ENOX2: variants seen among roughly 807,000 people sequenced by gnomAD.
ENOX2 encodes the protein ecto-NOX disulfide-thiol exchanger 2, also known as APK1 antigen.
Under a neutral mutation model 45.0 loss-of-function variants are expected in ENOX2, and 36 were observed. That is an observed-to-expected ratio of 0.80 (90% confidence interval 0.61 to 1.06). The LOEUF is 1.06. Among genes scored for constraint, ENOX2 ranks in the 50% least tolerant of loss-of-function variants. The probability of loss-of-function intolerance (pLI) is 0.00; values close to 1 mark genes in which losing one functional copy is unlikely to be tolerated. For missense variants in ENOX2, 423 were observed against 462.5 expected (o/e 0.91, Z 0.78); for synonymous variants, 174 against 152.3 (o/e 1.14, Z -1.05).
chrX:130,692,611 C>T (rs2037637940), intron 4 of ENOX2, among the ~76,000 whole-genome samples: 1 of 104,786 alleles, frequency 9.5e-6, no homozygotes, highest in South Asian at 4.7e-4. Flanking sequence ...GACGGAGTCC[C>T]GCTCTGTTGC....
chrX:130,858,635 T>C (rs1306179871), intron 2 of ENOX2, among the ~76,000 whole-genome samples: 1 of 111,482 alleles, frequency 9.0e-6, no homozygotes, highest in African/African-American at 3.3e-5. Flanking sequence ...GTAAATGCAG[T>C]AACCTAACAA....
At position 130,764,106 on chromosome X, in the gene ENOX2, C is replaced by A. The variant is rs1017443720; in HGVS notation, c.-39+19441G>T. On this transcript the variant is annotated intron_variant, in intron 3 of 14. Transcript: ENST00000394363. ...TGAGATATGAGGCAAAAACAAAATCCAAAAAACTTGAGGAATGTCACGCCT... is the reference window on the plus strand; with the variant it reads ...TGAGATATGAGGCAAAAACAAAATCAAAAAAACTTGAGGAATGTCACGCCT... Among the ~76,000 whole-genome samples, 6 of 110,591 alleles carry A rather than the reference C, an allele frequency of 5.4e-5. No individual in the cohort carries two copies. In the Admixed American group the frequency reaches 5.8e-4, roughly 11 times the overall value.
At chrX:130,626,633 C>T (rs1166409242) in intron 14 of ENOX2, among the ~76,000 whole-genome samples, 3 of 112,061 alleles carry the variant, frequency 2.7e-5, no homozygotes, top group Non-Finnish European at 3.8e-5. Flanking sequence ...ATTCCATCCT[C>T]CCCTTCACTG....
At chrX:130,735,590 TAATA>T (rs1173730452) in intron 3 of ENOX2, among the ~76,000 whole-genome samples, 2 of 111,849 alleles carry the variant, frequency 1.8e-5, no homozygotes, top group African/African-American at 6.5e-5. Context: ...TTTTCTGACA[TAATA>T]AAAGTAACTG....
intron 10 of ENOX2, chrX:130,645,837 G>C (rs943645508): frequency 1.4e-6 from 1 of 707,178 alleles, no homozygotes; most frequent in Middle Eastern, 4.1e-4. Flanking sequence ...CAGGCAGGAG[G>C]AGAGGGCAGT....
rs931953904 is a variant in ENOX2 at position 130,760,558 on chromosome X, C to G, written c.-39+22989G>C. Among the ~76,000 whole-genome samples, 19 of 109,183 alleles carry G rather than the reference C, an allele frequency of 1.7e-4. No homozygotes were observed. The Admixed American group carries it at 1.8e-3, about 10-fold the overall frequency. The allele number at this position is 109,183 out of a possible 115,157, so 94.8% of individuals were successfully genotyped here. ...CTCCCAGCACTTTAGGAGGCTGAGG[C>G]AGGTGGATCACGAGGTCAGGAGTTC... On this transcript the variant is annotated intron_variant, in intron 3 of 14. Coordinates refer to ENST00000394363, the MANE Select transcript of ENOX2 (RefSeq NM_006375.4).
intron 2 of ENOX2, among the ~76,000 whole-genome samples, chrX:130,785,221 A>T (rs1212659171): frequency 9.3e-6 from 1 of 107,045 alleles, no homozygotes; most frequent in Non-Finnish European, 1.9e-5. Context: ...GCTACTTGGG[A>T]GGCTGAGGCA....
intron 10 of ENOX2, among the ~76,000 whole-genome samples, chrX:130,648,751 G>C (rs991166054): frequency 9.1e-6 from 1 of 109,761 alleles, no homozygotes; most frequent in Non-Finnish European, 1.9e-5. Flanking sequence ...CACTCTATTA[G>C]TTGTTAAAAA....
chrX:130,805,261 T>A (rs1402334161), intron 2 of ENOX2, among the ~76,000 whole-genome samples: 1 of 112,153 alleles, frequency 8.9e-6, no homozygotes, highest in Non-Finnish European at 1.9e-5. Flanking sequence ...TTTTCCATAT[T>A]TTCAGAAATG....
intron 2 of ENOX2, among the ~76,000 whole-genome samples, chrX:130,854,301 T>A (rs183849531): frequency 9.0e-6 from 1 of 111,695 alleles, no homozygotes; most frequent in Admixed American, 9.5e-5. Flanking sequence ...TACAGACAGA[T>A]GACAGAGGAA....
At chrX:130,733,090 G>C (rs574128318) in intron 3 of ENOX2, among the ~76,000 whole-genome samples, 3 of 111,788 alleles carry the variant, frequency 2.7e-5, no homozygotes, top group African/African-American at 9.7e-5. Flanking sequence ...GTCAACCTAT[G>C]GAATAGGATA....
At chrX:130,815,174 T>C (rs1256352007) in intron 2 of ENOX2, among the ~76,000 whole-genome samples, 1 of 110,872 alleles carries the variant, frequency 9.0e-6, no homozygotes. Flanking sequence ...CTTAATGAAA[T>C]AAAGCATGAA....
In ENOX2 at chrX:130,665,712, C is replaced by T; in HGVS notation, c.945G>A (p.Lys315=). The T allele has an allele frequency of 8.3e-7, 1 of 1,204,119 alleles. No individual in the cohort carries two copies. Among genetic ancestry groups the T allele is most frequent in the Non-Finnish European group, 1.1e-6 (1 of 891,187 alleles). The change falls in exon 9 of 15, where the codon AAG becomes AAA. Residue 315 remains lysine (K), a synonymous_variant. Coordinates refer to ENST00000394363, the MANE Select transcript of ENOX2 (RefSeq NM_006375.4). ...QIVAVYHSAS[K]QKAWDHFTKA... ...TTGTGAAGTGGTCCCATGCCTTCTG[C>T]TTGGAGGCGGAATGGTACACAGCCA...
At chrX:130,745,275 C>A (rs2148323707) in intron 3 of ENOX2, among the ~76,000 whole-genome samples, 1 of 112,217 alleles carries the variant, frequency 8.9e-6, no homozygotes, top group African/African-American at 3.2e-5. Flanking sequence ...TTCATACTGT[C>A]TACTGTGCTA....
At chrX:130,731,550 C>T (rs2038738786) in intron 3 of ENOX2, among the ~76,000 whole-genome samples, 1 of 112,003 alleles carries the variant, frequency 8.9e-6, no homozygotes, top group Non-Finnish European at 1.9e-5. Flanking sequence ...CTAAGTCATA[C>T]TCAAAATGAA....
intron 2 of ENOX2, among the ~76,000 whole-genome samples, chrX:130,836,668 G>A (rs897023608): frequency 6.3e-5 from 7 of 111,798 alleles, no homozygotes; most frequent in Non-Finnish European, 1.3e-4. Flanking sequence ...GATAAGCTAC[G>A]TTCCTAGCTG....
chrX:130,858,944 A>C (rs777837392), intron 2 of ENOX2, among the ~76,000 whole-genome samples: 2 of 112,287 alleles, frequency 1.8e-5, no homozygotes, highest in South Asian at 3.7e-4. Flanking sequence ...TTCATTCATT[A>C]AACACTTATT....
chrX:130,868,954 A>G (rs2078530619), intron 2 of ENOX2, among the ~76,000 whole-genome samples: 1 of 111,831 alleles, frequency 8.9e-6, no homozygotes, highest in Admixed American at 9.5e-5. Flanking sequence ...CCCAGGCAAC[A>G]TCAATATGTG....
In ENOX2 at chrX:130,871,824, C is replaced by A. The variant is rs749059729; in HGVS notation, c.-183+29860G>T. ...CAGAAACCTCAGTTAGGAATCGATG[C>A]AGATATTTGATTCAAGTAATTGATG... is the stretch of plus-strand genomic sequence containing the variant. On this transcript the variant is annotated intron_variant, in intron 2 of 14. Transcript: ENST00000394363. 4.5e-5 allele frequency among the ~76,000 whole-genome samples: 5 copies of A among 111,046 alleles called. No individual in the cohort carries two copies. In the South Asian group the frequency reaches 1.9e-3, roughly 43 times the overall value.
Sources: gnomAD v4.1 joint callset for allele counts (sites outside exome capture counted in the v4.1 genomes callset) on GRCh38, gnomAD v4.1.1 for gene constraint, MANE v1.5 for transcripts, NCBI Gene and HGNC (gene_info 2026-07-23, HGNC 2026-07-21) for gene names.